The following ZC3H12C variants were observed in gnomAD, a reference collection of about 807,000 sequenced individuals.
The protein encoded by ZC3H12C is zinc finger CCCH-type containing 12C.
A neutral mutation model predicts 76.3 loss-of-function variants in ZC3H12C; 20 were observed. The ratio of observed to expected loss-of-function variants is 0.26; its 90% CI spans 0.18 to 0.38. The LOEUF (loss-of-function observed/expected upper bound fraction) is 0.38, where lower values mean the gene tolerates loss of function less well. Among genes scored for constraint, ZC3H12C ranks in the 10% least tolerant of loss-of-function variants. The pLI is 1.00. For missense variants in ZC3H12C, 874 were observed against 1,086.5 expected, an observed-to-expected ratio of 0.80 and a Z score of 2.75; for synonymous variants, 352 against 399.6, an observed-to-expected ratio of 0.88 and a Z score of 1.42.
Position 110,165,600 on chromosome 11 carries a change from G to T in ZC3H12C, c.2515G>T (p.Glu839Ter). 6.2e-7 allele frequency: 1 copy of T among 1,606,532 alleles called. No individual in the cohort carries two copies. The highest frequency in any genetic ancestry group is 8.5e-7 in the Non-Finnish European group (1 of 1,176,326). ...TCCCCCGAGGTATCAAGACAACCGA[G>T]AAAAGATTTATATCAATTTGTGCAA... The part of the protein sequence containing the change: ...QDPPRYQDNR[E>*]KIYINLCNIF... The change falls in exon 6 of 6, where the codon GAA (glutamate) becomes TAA (stop). Residue 839 changes from glutamate (E) to a stop codon, truncating the protein, a stop_gained. Transcript: ENST00000278590. LOFTEE classifies it high-confidence loss of function.
intron 2 of ZC3H12C, among the ~76,000 whole-genome samples, chr11:110,146,684 T>G (rs920474029): frequency 6.6e-6 from 1 of 152,246 alleles, no homozygotes; most frequent in Non-Finnish European, 1.5e-5. Context: ...TTGCTCCCCT[T>G]GTGAACAATT....
chr11:110,095,235 A>G (rs1861091940), intron 1 of ZC3H12C, among the ~76,000 whole-genome samples: 2 of 152,224 alleles, frequency 1.3e-5, no homozygotes, highest in South Asian at 4.1e-4. Context: ...ATGGGTTACC[A>G]ACGTCTGCAA....
In ZC3H12C at chr11:110,165,005, C is replaced by G; in HGVS notation, c.1920C>G (p.Tyr640Ter). 6.2e-7 allele frequency: 1 copy of G among 1,613,976 alleles called. No individual in the cohort carries two copies. The highest frequency in any genetic ancestry group is 8.5e-7 in the Non-Finnish European group (1 of 1,179,888). Reference protein sequence around the residue: ...GSMSCGSSDSYVGYNDRSYVS... With the variant: ...GSMSCGSSDS ...TGAGCTGTGGGAGCAGTGACTCCTA[C>G]GTGGGTTACAATGACCGGTCCTATG... The change falls in exon 6 of 6, where the codon TAC becomes TAG. Residue 640 changes from tyrosine (Y) to a stop codon, truncating the protein, a stop_gained. Transcript: ENST00000278590. LOFTEE classifies it high-confidence loss of function.
intron 1 of ZC3H12C, 73 bp from the exon 2 acceptor site, chr11:110,136,590 C>G: frequency 6.7e-7 from 1 of 1,497,532 alleles, no homozygotes; most frequent in East Asian, 2.3e-5. Context: ...GAGTAATTCT[C>G]TTCTGACTTC....
chr11:110,129,741 A>T (rs1360186348), intron 1 of ZC3H12C, among the ~76,000 whole-genome samples: 4 of 152,210 alleles, frequency 2.6e-5, no homozygotes, highest in African/African-American at 9.6e-5. Context: ...GTAAGTAAAT[A>T]GTAGAACAGC....
At chr11:110,118,118 T>C (rs1471499447) in intron 1 of ZC3H12C, among the ~76,000 whole-genome samples, 1 of 148,292 alleles carries the variant, frequency 6.7e-6, no homozygotes, top group Non-Finnish European at 1.5e-5. Flanking sequence ...ACACACATAC[T>C]TTATACACAC....
At chr11:110,129,632 T>C (rs1395528070) in intron 1 of ZC3H12C, among the ~76,000 whole-genome samples, 1 of 152,176 alleles carries the variant, frequency 6.6e-6, no homozygotes, top group Non-Finnish European at 1.5e-5. Context: ...TAAATCAGCC[T>C]ATAGCAGAAA....
In ZC3H12C at chr11:110,123,740, C is replaced by G. The variant is rs540555393; in HGVS notation, c.22-12923C>G. On this transcript the variant is annotated intron_variant, in intron 1 of 5. Transcript: ENST00000278590. ...TATTTTTCTTAGTAGTTCTTTATAA[C>G]AAAACTCTTTTTATTCTTGAGTATT... Among the ~76,000 whole-genome samples the G allele has an allele frequency of 1.1e-4, 16 of 152,208 alleles. No homozygotes were observed. In the South Asian group the frequency reaches 3.1e-3, roughly 30 times the overall value.
At chr11:110,108,578 T>G (rs1189416243) in intron 1 of ZC3H12C, among the ~76,000 whole-genome samples, 1 of 152,226 alleles carries the variant, frequency 6.6e-6, no homozygotes, top group African/African-American at 2.4e-5. Context: ...TGTCTTCCTA[T>G]TCTTAAGTTA....
chr11:110,128,889 CA>C (rs145436449), intron 1 of ZC3H12C, among the ~76,000 whole-genome samples: 3,837 of 94,178 alleles, frequency 0.041, 117 homozygotes, highest in African/African-American at 0.12. Flanking sequence ...CCACCACTAA[CA>C]AAAAAAAAAA....
chr11:110,098,424 TGAA>T (rs1565245022), intron 1 of ZC3H12C, among the ~76,000 whole-genome samples: 1 of 152,146 alleles, frequency 6.6e-6, no homozygotes, highest in African/African-American at 2.4e-5. Context: ...AGTAATTTAT[TGAA>T]GAAAGAAAAA....
chr11:110,101,149 G>T (rs1446529247), intron 1 of ZC3H12C, among the ~76,000 whole-genome samples: 1 of 152,108 alleles, frequency 6.6e-6, no homozygotes, highest in Non-Finnish European at 1.5e-5. Flanking sequence ...TTAAGCCAAA[G>T]CCTATTCCAG....
intron 2 of ZC3H12C, 66 bp downstream of exon 2, chr11:110,137,480 T>A (rs1360451387): frequency 6.8e-7 from 1 of 1,479,096 alleles, no homozygotes; most frequent in African/African-American, 1.4e-5. Context: ...TTTCTAATTT[T>A]GTGGCTCTTT....
chr11:110,115,748 C>CTT (rs71476067), intron 1 of ZC3H12C, among the ~76,000 whole-genome samples: 4 of 120,320 alleles, frequency 3.3e-5, no homozygotes, highest in Non-Finnish European at 5.1e-5. Context: ...TTCTCATTTT[C>CTT]TTTTTTTTTT....
intron 1 of ZC3H12C, among the ~76,000 whole-genome samples, chr11:110,119,839 T>C (rs1413160787): frequency 1.3e-5 from 2 of 152,264 alleles, no homozygotes; most frequent in East Asian, 1.9e-4. Flanking sequence ...CTAATCCCTT[T>C]CACAAGTGCG....
chr11:110,165,813 CAT>C lies in ZC3H12C; in HGVS notation c.*77_*78del. 7.6e-7 allele frequency: 1 copy of C among 1,324,282 alleles called. No homozygotes were observed. Among genetic ancestry groups the C allele is most frequent in the East Asian group, 2.5e-5 (1 of 39,790 alleles). The allele number at this position is 1,324,282 out of a possible 1,614,324, so 82.0% of individuals were successfully genotyped here. A position where few individuals can be genotyped will look rare whatever the true frequency, so the allele number is the denominator to read the frequency against. ...CTGAGGGAGGTTTGCTACAATAGCA[CAT>C]GTGATCTCCTTCTCAGCAAGGAGGT... is the stretch of plus-strand genomic sequence containing the variant. On this transcript the variant is annotated 3_prime_UTR_variant, in exon 6 of 6. Coordinates refer to ENST00000278590, the MANE Select transcript of ZC3H12C (RefSeq NM_033390.2).
At chr11:110,097,047 A>G (rs1427679397) in intron 1 of ZC3H12C, among the ~76,000 whole-genome samples, 2 of 152,232 alleles carry the variant, frequency 1.3e-5, no homozygotes, top group African/African-American at 4.8e-5. Flanking sequence ...TGTGGAATAA[A>G]TTAGAAAATA....
At chr11:110,112,519 G>A (rs1226935729) in intron 1 of ZC3H12C, among the ~76,000 whole-genome samples, 1 of 152,218 alleles carries the variant, frequency 6.6e-6, no homozygotes, top group Non-Finnish European at 1.5e-5. Context: ...TTTGGTGGAA[G>A]AGATAATGGA....
intron 2 of ZC3H12C, among the ~76,000 whole-genome samples, chr11:110,138,409 T>A (rs1285027495): frequency 6.6e-6 from 1 of 152,154 alleles, no homozygotes; most frequent in Non-Finnish European, 1.5e-5. Context: ...ATGTATGTCA[T>A]ATTAAATTTT....
Sources: allele counts gnomAD v4.1 joint callset (sites outside exome capture counted in the v4.1 genomes callset), GRCh38; gene constraint gnomAD v4.1.1; transcripts MANE v1.5; gene names NCBI Gene and HGNC (gene_info 2026-07-23, HGNC 2026-07-21).